CTNNA2: variants seen among roughly 807,000 people sequenced by gnomAD.
CTNNA2 encodes the protein catenin alpha 2.
In CTNNA2, 42 loss-of-function variants were observed where a neutral mutation model predicts 101.0. The observed-to-expected ratio is 0.42, with a 90% CI of 0.32 to 0.54. CTNNA2 has a LOEUF of 0.54. CTNNA2 is among the 20% of genes least tolerant of loss of function. The pLI, the probability that CTNNA2 is intolerant of heterozygous loss-of-function variation, is 0.14. For synonymous variants in CTNNA2, 450 were observed against 456.4 expected (o/e 0.99, Z 0.18); for missense variants, 871 against 1,223.1 (o/e 0.71, Z 4.29).
intron 1 of CTNNA2, among the ~76,000 whole-genome samples, chr2:79,569,304 T>A (rs1482501773): frequency 6.6e-6 from 1 of 152,004 alleles, no homozygotes; most frequent in Non-Finnish European, 1.5e-5. Context: ...GCTAAGTAGA[T>A]GAATGAACAG....
chr2:79,720,301 T>C (rs1356692239), intron 2 of CTNNA2, among the ~76,000 whole-genome samples: 2 of 152,178 alleles, frequency 1.3e-5, no homozygotes, highest in Non-Finnish European at 2.9e-5. Flanking sequence ...TATAGCCTTA[T>C]AGTATAGTTT....
chr2:80,435,192 A>T (rs1681923082), intron 9 of CTNNA2, among the ~76,000 whole-genome samples: 1 of 152,204 alleles, frequency 6.6e-6, no homozygotes, highest in Non-Finnish European at 1.5e-5. Context: ...TCACTTCTCT[A>T]TAATCTTTAA....
intron 7 of CTNNA2, among the ~76,000 whole-genome samples, chr2:80,181,040 C>T (rs1394387527): frequency 6.6e-6 from 1 of 152,188 alleles, no homozygotes; most frequent in Non-Finnish European, 1.5e-5. Context: ...TTCCAGTTTT[C>T]TGCTTACATA....
chr2:80,514,648 T>C (rs1331181004), intron 9 of CTNNA2, among the ~76,000 whole-genome samples: 1 of 152,032 alleles, frequency 6.6e-6, no homozygotes, highest in Non-Finnish European at 1.5e-5. Context: ...GTAAACTTCC[T>C]TGAAGTCAGG....
intron 4 of CTNNA2, among the ~76,000 whole-genome samples, chr2:79,381,876 T>A (rs6547235): frequency 0.71 from 107,895 of 152,156 alleles, 39,042 homozygotes; most frequent in South Asian, 0.82. Flanking sequence ...TGACCAAATG[T>A]TTAGCAATGC....
chr2:79,715,384 C>T (rs762414931), intron 2 of CTNNA2, among the ~76,000 whole-genome samples: 6 of 151,794 alleles, frequency 4.0e-5, no homozygotes, highest in Admixed American at 6.6e-5. Flanking sequence ...CTAGGACCAA[C>T]GAACAGAAAT....
At chr2:79,431,293 A>G (rs918039205) in intron 4 of CTNNA2, among the ~76,000 whole-genome samples, 7 of 152,164 alleles carry the variant, frequency 4.6e-5, no homozygotes, top group Non-Finnish European at 7.3e-5. Flanking sequence ...AATTGCAACT[A>G]CTTTATGAGT....
chr2:79,878,246 T>A (rs1683172858), intron 6 of CTNNA2, among the ~76,000 whole-genome samples: 1 of 152,232 alleles, frequency 6.6e-6, no homozygotes, highest in African/African-American at 2.4e-5. Flanking sequence ...TTCCATAACT[T>A]TGCCATTGTA....
At chr2:79,380,766 T>C (rs2104462874) in intron 4 of CTNNA2, among the ~76,000 whole-genome samples, 1 of 152,290 alleles carries the variant, frequency 6.6e-6, no homozygotes, top group South Asian at 2.1e-4. Context: ...GCTTTTAACA[T>C]TACAAAAATA....
chr2:79,361,731 C>T (rs1378288442), intron 3 of CTNNA2, among the ~76,000 whole-genome samples: 3 of 152,130 alleles, frequency 2.0e-5, no homozygotes, highest in Non-Finnish European at 4.4e-5. Flanking sequence ...GGAGCCAGTC[C>T]AAGTCCCAAA....
At chr2:80,461,090 T>G (rs1319250078) in intron 9 of CTNNA2, among the ~76,000 whole-genome samples, 1 of 152,190 alleles carries the variant, frequency 6.6e-6, no homozygotes, top group Non-Finnish European at 1.5e-5. Flanking sequence ...CTGACAAAGA[T>G]TCTTTGCTTT....
intron 2 of CTNNA2, among the ~76,000 whole-genome samples, chr2:79,667,622 A>C (rs1016693069): frequency 6.6e-6 from 1 of 152,334 alleles, no homozygotes; most frequent in Admixed American, 6.5e-5. Context: ...TACAAAAGGT[A>C]AATCCTCAAA....
chr2:80,241,638 T>C (rs796374115), intron 7 of CTNNA2, among the ~76,000 whole-genome samples: 8 of 147,566 alleles, frequency 5.4e-5, no homozygotes, highest in African/African-American at 2.0e-4. Flanking sequence ...ATCTTTGTTA[T>C]ATTTAGGCCT....
chr2:80,155,805 A>G (rs1437350814), intron 7 of CTNNA2, among the ~76,000 whole-genome samples: 4 of 152,166 alleles, frequency 2.6e-5, no homozygotes, highest in African/African-American at 7.2e-5. Context: ...GTCTGCTCAC[A>G]TTCAAATCCA....
chr2:80,538,306 A>G (rs1203035520), intron 9 of CTNNA2, among the ~76,000 whole-genome samples: 3 of 152,248 alleles, frequency 2.0e-5, no homozygotes, highest in Non-Finnish European at 2.9e-5. Context: ...GCCCATGCCT[A>G]TGTCCTGAAT....
intron 2 of CTNNA2, among the ~76,000 whole-genome samples, chr2:79,208,056 C>G (rs1486156656): frequency 3.3e-5 from 5 of 152,126 alleles, no homozygotes; most frequent in Admixed American, 2.6e-4. Context: ...CAAGATAAGA[C>G]CAGTCTCCCT....
intron 7 of CTNNA2, among the ~76,000 whole-genome samples, chr2:79,967,303 C>T (rs1179860619): frequency 4.6e-5 from 7 of 152,092 alleles, no homozygotes; most frequent in East Asian, 3.9e-4. Context: ...ATCATCCAGG[C>T]GTCTAGGTCC....
At chr2:80,135,843 G>A (rs1479666972) in intron 7 of CTNNA2, among the ~76,000 whole-genome samples, 1 of 152,138 alleles carries the variant, frequency 6.6e-6, no homozygotes, top group Non-Finnish European at 1.5e-5. Flanking sequence ...GCTCACAGTG[G>A]CTTGAAATTG....
intron 9 of CTNNA2, among the ~76,000 whole-genome samples, chr2:80,470,868 A>G (rs1685244622): frequency 6.6e-6 from 1 of 152,202 alleles, no homozygotes; most frequent in Admixed American, 6.5e-5. Flanking sequence ...AGGGGAGAAG[A>G]GTTTCATTGA....
Sources: allele counts gnomAD v4.1 joint callset (sites outside exome capture counted in the v4.1 genomes callset), GRCh38; gene constraint gnomAD v4.1.1; transcripts MANE v1.5; gene names NCBI Gene and HGNC (gene_info 2026-07-23, HGNC 2026-07-21).